NDUFAF6: variants seen among roughly 807,000 people sequenced by gnomAD.
NDUFAF6 encodes NADH dehydrogenase (ubiquinone) complex I, assembly factor 6.
A neutral mutation model predicts 40.8 loss-of-function variants in NDUFAF6; 45 were observed. The ratio of observed to expected loss-of-function variants is 1.10; its 90% CI spans 0.87 to 1.42. NDUFAF6 has a LOEUF of 1.42. Ranked by LOEUF, NDUFAF6 falls within the 40% of genes most tolerant of loss-of-function variation. NDUFAF6 has a pLI of 0.00. For missense variants in NDUFAF6, 435 were observed against 418.5 expected, an observed-to-expected ratio of 1.04 and a Z score of -0.34; for synonymous variants, 185 against 155.9, an observed-to-expected ratio of 1.19 and a Z score of -1.39.
chr8:95,016,959 G>A (rs1827480298), intron 2 of NDUFAF6, among the ~76,000 whole-genome samples: 4 of 144,066 alleles, frequency 2.8e-5, no homozygotes. Context: ...TTTGAGACAG[G>A]GTCTTGCTCT....
At chr8:95,055,670 G>A (rs1209386394) in intron 8 of NDUFAF6, among the ~76,000 whole-genome samples, 2 of 152,158 alleles carry the variant, frequency 1.3e-5, no homozygotes, top group Non-Finnish European at 2.9e-5. Context: ...GAGAAAGGGA[G>A]CATCTGAAAG....
chr8:95,002,815 A>G (rs1222113654), intron 2 of NDUFAF6, among the ~76,000 whole-genome samples: 2 of 152,324 alleles, frequency 1.3e-5, no homozygotes, highest in East Asian at 3.9e-4. Context: ...GGCTCATACA[A>G]TTGACAAGTC....
chr8:94,952,974 T>C (rs1822752705), intron 2 of NDUFAF6, among the ~76,000 whole-genome samples: 1 of 152,224 alleles, frequency 6.6e-6, no homozygotes, highest in Non-Finnish European at 1.5e-5. Context: ...CTAGAGTATT[T>C]TCTCTAGTTT....
At position 94,940,066 on chromosome 8, in the gene NDUFAF6, T is replaced by A. The variant is rs766866964; in HGVS notation, c.-935-5417T>A. The A allele has an allele frequency of 4.3e-6, 7 of 1,614,076 alleles. No homozygotes were observed. The Admixed American group carries it at 6.7e-5, about 15-fold the overall frequency. On this transcript the variant is annotated intron_variant, in intron 1 of 14. Coordinates refer to the NDUFAF6 transcript ENST00000396113. The stretch of plus-strand genomic sequence containing the variant: ...TAAACCAGCTCTCCTCCATTGGACA[T>A]GACTCAAACTGGAGAAAGCAGGAAT...
chr8:94,910,849 A>T (rs1818733492), intron 1 of NDUFAF6, among the ~76,000 whole-genome samples: 2 of 148,844 alleles, frequency 1.3e-5, no homozygotes, highest in Non-Finnish European at 3.0e-5. Flanking sequence ...TTTATCAGGA[A>T]GTGTTTTAAA....
At position 94,952,875 on chromosome 8, in the gene NDUFAF6, G is replaced by T. The variant is rs188800283; in HGVS notation, c.-798-5120G>T. 5.3e-4 allele frequency among the ~76,000 whole-genome samples: 80 copies of T among 152,284 alleles called. 2 individuals carry two copies. Among genetic ancestry groups the T allele is most frequent in the Admixed American group, 5.0e-3 (76 of 15,296 alleles). The stretch of plus-strand genomic sequence containing the variant: ...GCAGCAGAAAGGAAAAAGGAGGCGG[G>T]CCCCCTTCATTCAGTAACCAGTGCT... On this transcript the variant is annotated intron_variant, in intron 2 of 14. Transcript: ENST00000396113.
At chr8:94,999,155 C>T (rs1437255378) in intron 2 of NDUFAF6, among the ~76,000 whole-genome samples, 5 of 146,470 alleles carry the variant, frequency 3.4e-5, no homozygotes, top group Admixed American at 3.4e-4. Flanking sequence ...GACAGAGTCT[C>T]ACTCTGTCAC....
intron 2 of NDUFAF6, among the ~76,000 whole-genome samples, chr8:95,088,638 C>T (rs993253378): frequency 6.6e-6 from 1 of 150,840 alleles, no homozygotes; most frequent in Non-Finnish European, 1.5e-5. Context: ...CAGGCTTTGG[C>T]TTCAGAAGTC....
intron 2 of NDUFAF6, chr8:95,102,922 A>T (rs1809698236): frequency 6.6e-6 from 1 of 152,218 alleles, no homozygotes; most frequent in African/African-American, 2.4e-5. Flanking sequence ...TGGAGCTGAG[A>T]GGCAATAAAC....
chr8:95,080,883 G>A (rs963607255), downstream of NDUFAF6, among the ~76,000 whole-genome samples: 1 of 152,134 alleles, frequency 6.6e-6, no homozygotes, highest in Non-Finnish European at 1.5e-5. Context: ...GCCAAGCTGT[G>A]TTATCCCAGG....
intron 2 of NDUFAF6, among the ~76,000 whole-genome samples, 157 bp downstream of exon 2, chr8:95,032,251 A>G (rs993318934): frequency 6.6e-6 from 1 of 152,230 alleles, no homozygotes; most frequent in South Asian, 2.1e-4. Flanking sequence ...AGGCTTAGTA[A>G]TTCAATACCA....
chr8:94,971,605 G>A (rs908463280), intron 1 of NDUFAF6, among the ~76,000 whole-genome samples: 5 of 152,046 alleles, frequency 3.3e-5, no homozygotes, highest in Non-Finnish European at 7.4e-5. Context: ...ATGACACCTC[G>A]TATTTCTAGA....
intron 8 of NDUFAF6, among the ~76,000 whole-genome samples, chr8:95,054,453 G>A (rs1396849895): frequency 2.7e-5 from 3 of 111,258 alleles, no homozygotes; most frequent in African/African-American, 1.0e-4. Context: ...TTTTTTTTTT[G>A]AGACGGAGTC....
intron 2 of NDUFAF6, among the ~76,000 whole-genome samples, chr8:94,952,022 G>A (rs1433761724): frequency 6.6e-6 from 1 of 152,222 alleles, no homozygotes; most frequent in African/African-American, 2.4e-5. Flanking sequence ...AATTCTTAGC[G>A]TGTTGCTATA....
chr8:94,920,705 A>G (rs1819440572), intron 1 of NDUFAF6, among the ~76,000 whole-genome samples: 1 of 152,196 alleles, frequency 6.6e-6, no homozygotes, highest in African/African-American at 2.4e-5. Context: ...CCAGAGCCCT[A>G]TTATACTGGA....
chr8:94,947,733 A>G (rs1409465785), intron 2 of NDUFAF6, among the ~76,000 whole-genome samples: 1 of 152,230 alleles, frequency 6.6e-6, no homozygotes, highest in Non-Finnish European at 1.5e-5. Flanking sequence ...GTGGTAATTC[A>G]TAGCCTGATA....
intron 1 of NDUFAF6, among the ~76,000 whole-genome samples, chr8:94,909,805 T>C (rs574670266): frequency 7.0e-6 from 1 of 142,014 alleles, no homozygotes; most frequent in African/African-American, 2.8e-5. Context: ...TATACACATA[T>C]ATATATATAC....
chr8:95,057,293 G>GT (rs1253720231), intron 8 of NDUFAF6, among the ~76,000 whole-genome samples: 2 of 152,322 alleles, frequency 1.3e-5, no homozygotes, highest in South Asian at 2.1e-4. Flanking sequence ...ACTTTGTCAA[G>GT]TTTTTTGTGG....
intron 1 of NDUFAF6, among the ~76,000 whole-genome samples, chr8:94,923,209 A>T (rs1051454131): frequency 5.3e-5 from 8 of 152,220 alleles, no homozygotes; most frequent in African/African-American, 1.9e-4. Flanking sequence ...AGCATGAAGC[A>T]GGTAAGGTGT....
Sources: allele counts gnomAD v4.1 joint callset (sites outside exome capture counted in the v4.1 genomes callset), GRCh38; gene constraint gnomAD v4.1.1; transcripts MANE v1.5; gene names NCBI Gene and HGNC (gene_info 2026-07-23, HGNC 2026-07-21).